The following TRMT11 variants were observed in gnomAD, a reference collection of about 807,000 sequenced individuals.
TRMT11 encodes the protein tRNA methyltransferase 11.
A neutral mutation model predicts 62.8 loss-of-function variants in TRMT11; 53 were observed. The ratio of observed to expected loss-of-function variants is 0.84; its 90% confidence interval spans 0.68 to 1.06. The LOEUF (loss-of-function observed/expected upper bound fraction) is 1.06, where lower values mean the gene tolerates loss of function less well. Ranked by LOEUF, TRMT11 falls within the 50% of genes least tolerant of loss-of-function variation. The pLI, the probability that TRMT11 is intolerant of heterozygous loss-of-function variation, is 0.00. For missense variants in TRMT11, 556 were observed against 553.4 expected (o/e 1.00, Z -0.05); for synonymous variants, 188 against 190.3 (o/e 0.99, Z 0.10).
intron 17 of TRMT11, among the ~76,000 whole-genome samples, chr6:126,106,943 A>C (rs920667600): frequency 3.9e-5 from 6 of 152,000 alleles, no homozygotes; most frequent in Admixed American, 3.9e-4. Flanking sequence ...TCTCAAAAAA[A>C]AAAAAAAAAA....
intron 21 of TRMT11, among the ~76,000 whole-genome samples, chr6:126,150,139 T>A (rs1778021812): frequency 6.6e-6 from 1 of 152,124 alleles, no homozygotes; most frequent in African/African-American, 2.4e-5. Context: ...AATAGATTAA[T>A]GAATTATCAT....
chr6:126,012,005 C>T (rs1001252172), intron 9 of TRMT11, among the ~76,000 whole-genome samples: 1 of 152,216 alleles, frequency 6.6e-6, no homozygotes, highest in Middle Eastern at 3.4e-3. Context: ...TTTAGGCAGC[C>T]TATCTAAGAA....
the TRMT11 span, among the ~76,000 whole-genome samples, chr6:126,254,675 T>C: frequency 1.3e-5 from 2 of 152,202 alleles, no homozygotes; most frequent in Non-Finnish European, 2.9e-5. Flanking sequence ...TCGCTATGTT[T>C]TATTTCTCCT....
At chr6:126,255,952 G>T in the TRMT11 span, among the ~76,000 whole-genome samples, 1 of 152,304 alleles carries the variant, frequency 6.6e-6, no homozygotes, top group Non-Finnish European at 1.5e-5. Context: ...TATGGTTCCT[G>T]TGAGTCGAAT....
chr6:126,007,981 G>A (rs1367181108), intron 7 of TRMT11, among the ~76,000 whole-genome samples: 3 of 151,980 alleles, frequency 2.0e-5, no homozygotes, highest in Non-Finnish European at 2.9e-5. Context: ...TCTGACTTCA[G>A]TGGGAATTGA....
chr6:126,071,668 TTTTCTC>T (rs756928109), intron 17 of TRMT11, among the ~76,000 whole-genome samples: 5 of 151,910 alleles, frequency 3.3e-5, no homozygotes, highest in Non-Finnish European at 5.9e-5. Flanking sequence ...TTTTTTTTTT[TTTTCTC>T]TCAGGAGCTA....
At chr6:126,121,646 G>A (rs972441377) in intron 21 of TRMT11, among the ~76,000 whole-genome samples, 1 of 152,068 alleles carries the variant, frequency 6.6e-6, no homozygotes, top group Non-Finnish European at 1.5e-5. Context: ...TGTTGTGAGG[G>A]TTATATAAAA....
chr6:126,090,334 T>C (rs959277134), intron 17 of TRMT11, among the ~76,000 whole-genome samples: 39 of 152,214 alleles, frequency 2.6e-4, no homozygotes, highest in African/African-American at 9.4e-4. Context: ...GGATGAACTT[T>C]TGAGTGAAGT....
chr6:126,208,298 A>G (rs569531627), downstream of TRMT11, among the ~76,000 whole-genome samples: 1 of 152,294 alleles, frequency 6.6e-6, no homozygotes, highest in African/African-American at 2.4e-5. Flanking sequence ...TCTCAGCAAG[A>G]GAATAGCAGT....
At chr6:126,166,724 C>T (rs188216750) in intron 21 of TRMT11, among the ~76,000 whole-genome samples, 83 of 152,302 alleles carry the variant, frequency 5.4e-4, no homozygotes, top group Admixed American at 2.0e-3. Context: ...TGCCCCTTCC[C>T]CCAGGTGCTC....
At chr6:126,116,229 G>A (rs958330699) in intron 21 of TRMT11, among the ~76,000 whole-genome samples, 2 of 151,918 alleles carry the variant, frequency 1.3e-5, no homozygotes, top group Non-Finnish European at 2.9e-5. Flanking sequence ...GGGGCAATGG[G>A]AGTGTGCTGG....
At chr6:126,167,991 AC>A (rs1778287687) in intron 21 of TRMT11, among the ~76,000 whole-genome samples, 1 of 152,112 alleles carries the variant, frequency 6.6e-6, no homozygotes, top group South Asian at 2.1e-4. Flanking sequence ...TTTTGTTTGG[AC>A]TTGGGTCAGT....
At chr6:126,075,207 G>A (rs1776983798) in intron 17 of TRMT11, among the ~76,000 whole-genome samples, 2 of 152,098 alleles carry the variant, frequency 1.3e-5, no homozygotes, top group Admixed American at 1.3e-4. Flanking sequence ...AAAGGAAAGT[G>A]TCAATGTAAA....
rs557302369 is a variant in TRMT11, at chr6:126,168,198, C to T, written c.*1824-6627C>T. ...AGCTGTGGAACTCCTTCTCTTACAC[C>T]GGCAACCTCAGCCCTCCTAGAAAAG... On this transcript the variant is annotated intron_variant and NMD_transcript_variant, in intron 21 of 22. Coordinates refer to the TRMT11 transcript ENST00000648977. Among the ~76,000 whole-genome samples the T allele has an allele frequency of 8.9e-4, 135 of 152,282 alleles. No individual in the cohort carries two copies. In the Middle Eastern group the frequency reaches 0.01, roughly 12 times the overall value.
chr6:126,151,808 T>TTCTTTC (rs1466006582), intron 21 of TRMT11, among the ~76,000 whole-genome samples: 2 of 78,094 alleles, frequency 2.6e-5, no homozygotes, highest in Non-Finnish European at 5.6e-5. Context: ...TCTCTGTCTT[T>TTCTTTC]TCTTTCTTTC....
chr6:125,997,038 A>G lies in TRMT11; in HGVS notation c.212+998A>G, dbSNP rs1010204149. On this transcript the variant is annotated intron_variant, in intron 3 of 12. Transcript: ENST00000334379. Reference sequence around the variant, plus strand: ...ATTGCTTGTTAGGTTTAAAATAGCCACTGGAGTACTAAGAACTTGTATGCT... The same window carrying G: ...ATTGCTTGTTAGGTTTAAAATAGCCGCTGGAGTACTAAGAACTTGTATGCT... Among the ~76,000 whole-genome samples the G allele has an allele frequency of 7.2e-5, 11 of 152,216 alleles. 1 individual carries two copies. The South Asian group carries it at 2.3e-3, about 31-fold the overall frequency.
At position 126,038,935 on chromosome 6, in the gene TRMT11, T is replaced by C; in HGVS notation, c.*99T>C. 5.2e-6 allele frequency: 5 copies of C among 960,304 alleles called. No homozygotes were observed. In the South Asian group the frequency reaches 5.7e-5, roughly 11 times the overall value. 59.5% of individuals were successfully genotyped at this position (960,304 alleles called of 1,614,324 possible). ...ATGATCCAGAAAATAGGTACGGTTT[T>C]AAAATATTTTATATAGAAAAGCTAC... On this transcript the variant is annotated 3_prime_UTR_variant, in exon 13 of 13. Transcript: ENST00000334379.
At chr6:126,124,373 G>A (rs2128200344) in intron 21 of TRMT11, among the ~76,000 whole-genome samples, 1 of 152,200 alleles carries the variant, frequency 6.6e-6, no homozygotes, top group East Asian at 1.9e-4. Flanking sequence ...TCAGCATTCA[G>A]ACTTTCACTT....
At chr6:126,048,551 G>C (rs1472056823) in intron 16 of TRMT11, among the ~76,000 whole-genome samples, 1 of 152,192 alleles carries the variant, frequency 6.6e-6, no homozygotes, top group East Asian at 1.9e-4. Flanking sequence ...CTCATTCTCT[G>C]ATGAGACCAG....
Sources: allele counts gnomAD v4.1 joint callset (sites outside exome capture counted in the v4.1 genomes callset), GRCh38; gene constraint gnomAD v4.1.1; transcripts MANE v1.5; gene names NCBI Gene and HGNC (gene_info 2026-07-23, HGNC 2026-07-21).